The following TTC9C variants were observed in gnomAD, a reference collection of about 807,000 sequenced individuals.
TTC9C encodes tetratricopeptide repeat domain 9C.
In TTC9C, 15 loss-of-function variants were observed where a neutral mutation model predicts 22.5. The ratio of observed to expected loss-of-function variants is 0.67; its 90% CI spans 0.45 to 1.03. The LOEUF (loss-of-function observed/expected upper bound fraction) is 1.03. TTC9C is among the 50% of genes least tolerant of loss of function. TTC9C has a pLI of 0.00. For synonymous variants in TTC9C, 92 were observed against 86.8 expected (o/e 1.06, Z -0.33); for missense variants, 244 against 214.6 (o/e 1.14, Z -0.86).
At chr11:62,730,378 T>C (rs1447726138) in intron 1 of TTC9C, among the ~76,000 whole-genome samples, 1 of 151,982 alleles carries the variant, frequency 6.6e-6, no homozygotes, top group Non-Finnish European at 1.5e-5. Context: ...CCCGGCCCAG[T>C]AATTTTTATT....
intron 1 of TTC9C, 29 bp downstream of exon 1, chr11:62,729,115 G>C: frequency 6.3e-7 from 1 of 1,593,400 alleles, no homozygotes; most frequent in Non-Finnish European, 8.6e-7. Flanking sequence ...GGTGGCTAGA[G>C]AGCATTAAGA....
chr11:62,732,392 T>C (rs1358372383), intron 1 of TTC9C, among the ~76,000 whole-genome samples: 1 of 151,444 alleles, frequency 6.6e-6, no homozygotes, highest in South Asian at 2.1e-4. Flanking sequence ...GCGGATCACC[T>C]GAGGTCAGGA....
At chr11:62,738,042 TAAATAAATA>T (rs968914734) in intron 2 of TTC9C, among the ~76,000 whole-genome samples, 3 of 151,334 alleles carry the variant, frequency 2.0e-5, no homozygotes, top group African/African-American at 7.3e-5. Context: ...CAAAAGTAAG[TAAATAAATA>T]AAATAAATAA....
chr11:62,738,055 T>A (rs2083931212), intron 2 of TTC9C, among the ~76,000 whole-genome samples: 1 of 149,066 alleles, frequency 6.7e-6, no homozygotes, highest in Non-Finnish European at 1.5e-5. Context: ...ATAAATAAAA[T>A]AAATAAATAA....
intron 1 of TTC9C, among the ~76,000 whole-genome samples, chr11:62,734,519 T>G (rs1488214516): frequency 6.6e-6 from 1 of 152,132 alleles, no homozygotes; most frequent in Non-Finnish European, 1.5e-5. Flanking sequence ...ACCTGGAGGT[T>G]GCAGTGAGCC....
At position 62,728,873 on chromosome 11, in the gene TTC9C, C is replaced by G; in HGVS notation, c.25C>G (p.Gln9Glu). MEKRLQEAQLYKEEGNQRY... is the reference protein window; with the variant it reads MEKRLQEAELYKEEGNQRY... ...TATGGAGAAGCGTCTGCAGGAGGCTCAGCTGTACAAGGAGGAAGGGAACCA... is the reference window on the plus strand; with the variant it reads ...TATGGAGAAGCGTCTGCAGGAGGCTGAGCTGTACAAGGAGGAAGGGAACCA... The change falls in exon 1 of 3, where the codon CAG becomes GAG. Residue 9 changes from glutamine to glutamate, a missense_variant. Coordinates refer to ENST00000316461, the MANE Select transcript of TTC9C (RefSeq NM_173810.4). The G allele has an allele frequency of 6.2e-7, 1 of 1,614,112 alleles. No individual in the cohort carries two copies. Among genetic ancestry groups the G allele is most frequent in the Non-Finnish European group, 8.5e-7 (1 of 1,180,018 alleles).
At chr11:62,734,037 G>C (rs986996327) in intron 1 of TTC9C, among the ~76,000 whole-genome samples, 2 of 151,214 alleles carry the variant, frequency 1.3e-5, no homozygotes, top group Admixed American at 6.6e-5. Context: ...GGTGGTTCAC[G>C]TCTATAATCC....
intron 2 of TTC9C, 125 bp from the exon 3 acceptor site, chr11:62,738,163 G>A (rs1234299876): frequency 2.1e-5 from 11 of 533,802 alleles, no homozygotes; most frequent in South Asian, 8.7e-5. Context: ...GAATGGTTGC[G>A]ATATATTCAG....
At position 62,728,549 on chromosome 11, in the gene TTC9C, A is replaced by C. The variant is rs752782478; in HGVS notation, c.-300A>C. 32 of 521,846 alleles carry C rather than the reference A, an allele frequency of 6.1e-5. No individual in the cohort carries two copies. The highest frequency in any genetic ancestry group is 9.5e-5 in the African/African-American group (5 of 52,492). The allele number at this position is 521,846 out of a possible 1,614,324, so 32.3% of individuals were successfully genotyped here. A position where few individuals can be genotyped will look rare whatever the true frequency, so the allele number is the denominator to read the frequency against. ...GTAGGGCCTTGCTTGAGTTCTTCGG[A>C]AAGTCTCATCCACCCCCACATCGCC... On this transcript the variant is annotated 5_prime_UTR_variant, in exon 1 of 3. Coordinates refer to ENST00000316461, the MANE Select transcript of TTC9C (RefSeq NM_173810.4).
chr11:62,738,430 CA>C lies in TTC9C; in HGVS notation c.*49del. The C allele has an allele frequency of 7.7e-7, 1 of 1,302,554 alleles. No homozygotes were observed. The highest frequency in any genetic ancestry group is 1.1e-6 in the Non-Finnish European group (1 of 910,564). 80.7% of individuals were successfully genotyped at this position (1,302,554 alleles called of 1,614,324 possible). A position where few individuals can be genotyped will look rare whatever the true frequency, so the allele number is the denominator to read the frequency against. On this transcript the variant is annotated 3_prime_UTR_variant, in exon 3 of 3. Coordinates refer to ENST00000316461, the MANE Select transcript of TTC9C (RefSeq NM_173810.4). ...AGTTGAACTTAGGTGGACCATTAAA[CA>C]TGCATGAAGGAGAAATCTGAGCCTC...
intron 1 of TTC9C, chr11:62,733,305 A>G (rs2083873589): frequency 2.0e-6 from 1 of 499,944 alleles, no homozygotes; most frequent in Admixed American, 4.5e-5. Flanking sequence ...CTTCATTCAA[A>G]TTTCATATTC....
intron 1 of TTC9C, among the ~76,000 whole-genome samples, chr11:62,729,397 ATTTTATTTTATTTTT>A (rs1480541894): frequency 1.5e-5 from 2 of 137,834 alleles, no homozygotes; most frequent in Non-Finnish European, 1.6e-5. Context: ...ATTTTATTTT[ATTTTATTTTATTTTT>A]TTTTGAGATG....
In TTC9C at chr11:62,735,564, G is replaced by A. The variant is rs2083902187; in HGVS notation, c.421G>A (p.Asp141Asn). The change falls in exon 2 of 3, where the codon GAT becomes AAT. Residue 141 changes from aspartate (D) to asparagine (N), a missense_variant and splice_region_variant. Coordinates refer to ENST00000316461, the MANE Select transcript of TTC9C (RefSeq NM_173810.4). Reference sequence around the variant, plus strand: ...GGCTGCCGTGAATAGGCAGCCTAAAGGTAAGCAAGAAGGGCTTTGAAATGG... The same window carrying A: ...GGCTGCCGTGAATAGGCAGCCTAAAAGTAAGCAAGAAGGGCTTTGAAATGG... Reference protein sequence around the residue: ...LLAAVNRQPKDANVRRYLQLT... With the variant: ...LLAAVNRQPKNANVRRYLQLT... The A allele has an allele frequency of 6.2e-7, 1 of 1,603,684 alleles. No individual in the cohort carries two copies. The highest frequency in any genetic ancestry group is 1.1e-5 in the South Asian group (1 of 90,556).
intron 1 of TTC9C, among the ~76,000 whole-genome samples, chr11:62,732,730 C>A (rs2083866712): frequency 6.6e-6 from 1 of 152,114 alleles, no homozygotes; most frequent in African/African-American, 2.4e-5. Flanking sequence ...ACCATCCTGG[C>A]TGATATGGTG....
intron 1 of TTC9C, 23 bp downstream of exon 1, chr11:62,729,109 G>C (rs2083810123): frequency 6.2e-7 from 1 of 1,600,914 alleles, no homozygotes; most frequent in Non-Finnish European, 8.6e-7. Context: ...CTAAAGGGTG[G>C]CTAGAGAGCA....
In TTC9C at chr11:62,728,678, G is replaced by A; in HGVS notation, c.-171G>A. On this transcript the variant is annotated 5_prime_UTR_variant, in exon 1 of 3. Coordinates refer to ENST00000316461, the MANE Select transcript of TTC9C (RefSeq NM_173810.4). The stretch of plus-strand genomic sequence containing the variant: ...AAAGACTGCAGAAAGGAGAGGTGGG[G>A]CTTTCAGTAGAAACAAGCAAACCGC... 1 of 712,986 alleles carries A rather than the reference G, an allele frequency of 1.4e-6. No homozygotes were observed. Among genetic ancestry groups the A allele is most frequent in the Non-Finnish European group, 2.5e-6 (1 of 394,808 alleles). The allele number at this position is 712,986 out of a possible 1,614,324, so 44.2% of individuals were successfully genotyped here. A position where few individuals can be genotyped will look rare whatever the true frequency, so the allele number is the denominator to read the frequency against.
rs77435722 is a variant in TTC9C at position 62,728,580 on chromosome 11, A to G, written c.-269A>G. 13,406 of 576,042 alleles carry G rather than the reference A, an allele frequency of 0.023. 206 individuals are homozygous for G. The highest frequency in any genetic ancestry group is 0.033 in the Non-Finnish European group (9,917 of 304,918). 35.7% of individuals were successfully genotyped at this position (576,042 alleles called of 1,614,324 possible). A position where few individuals can be genotyped will look rare whatever the true frequency, so the allele number is the denominator to read the frequency against. Reference sequence around the variant, plus strand: ...TCATCCACCCCCACATCGCCTCTTTAGGAAGTCACTTAATGTTGGGCTTCA... The same window carrying G: ...TCATCCACCCCCACATCGCCTCTTTGGGAAGTCACTTAATGTTGGGCTTCA... On this transcript the variant is annotated 5_prime_UTR_variant, in exon 1 of 3. Transcript: ENST00000316461.
At position 62,738,484 on chromosome 11, in the gene TTC9C, G is replaced by C. The variant is rs1295942038; in HGVS notation, c.*102G>C. Reference sequence around the variant, plus strand: ...CAAGAGAAATTAACCCTATACCTCTGACCCAGGTGGATTTTTGTTTCTAGT... The same window carrying C: ...CAAGAGAAATTAACCCTATACCTCTCACCCAGGTGGATTTTTGTTTCTAGT... On this transcript the variant is annotated 3_prime_UTR_variant, in exon 3 of 3. Coordinates refer to ENST00000316461, the MANE Select transcript of TTC9C (RefSeq NM_173810.4). 4 of 750,098 alleles carry C rather than the reference G, an allele frequency of 5.3e-6. No individual in the cohort carries two copies. Among genetic ancestry groups the C allele is most frequent in the African/African-American group, 5.3e-5 (3 of 56,372 alleles). The allele number at this position is 750,098 out of a possible 1,614,324, so 46.5% of individuals were successfully genotyped here. A position where few individuals can be genotyped will look rare whatever the true frequency, so the allele number is the denominator to read the frequency against.
Position 62,729,035 on chromosome 11 carries a change from C to T in TTC9C, c.187C>T (p.Gln63Ter), listed in dbSNP as rs756408786. The T allele has an allele frequency of 1.2e-6, 2 of 1,614,084 alleles. No individual in the cohort carries two copies. Among genetic ancestry groups the T allele is most frequent in the Non-Finnish European group, 1.7e-6 (2 of 1,180,034 alleles). ...TCAGGGCCCGGCCCTCACGCCTGAA[C>T]AAGAAAACATATTGCATACCACCCA... Reference protein sequence around the residue: ...GPQGPALTPEQENILHTTQTD... With the variant: ...GPQGPALTPE The change falls in exon 1 of 3, where the codon CAA becomes TAA. Residue 63 changes from glutamine to a stop codon, truncating the protein, a stop_gained. Coordinates refer to ENST00000316461, the MANE Select transcript of TTC9C (RefSeq NM_173810.4). LOFTEE classifies it high-confidence loss of function.
Sources: gnomAD v4.1 joint callset for allele counts (sites outside exome capture counted in the v4.1 genomes callset) on GRCh38, gnomAD v4.1.1 for gene constraint, MANE v1.5 for transcripts, NCBI Gene and HGNC (gene_info 2026-07-23, HGNC 2026-07-21) for gene names.